MNAT1: variants seen among roughly 807,000 people sequenced by gnomAD.
The protein encoded by MNAT1 is CDK-activating kinase assembly factor MAT1.
Under a neutral mutation model 42.0 loss-of-function variants are expected in MNAT1, and 43 were observed. That is an observed-to-expected ratio of 1.02 (90% CI 0.80 to 1.32). The LOEUF (loss-of-function observed/expected upper bound fraction) is 1.32. Ranked by LOEUF, MNAT1 falls within the 40% of genes most tolerant of loss-of-function variation. MNAT1 has a pLI of 0.00. For missense variants in MNAT1, 306 were observed against 350.4 expected (o/e 0.87, Z 1.01); for synonymous variants, 118 against 120.0 (o/e 0.98, Z 0.11).
chr14:60,934,808 G>T (rs1469676106), intron 7 of MNAT1, among the ~76,000 whole-genome samples: 2 of 152,126 alleles, frequency 1.3e-5, no homozygotes, highest in Non-Finnish European at 2.9e-5. Context: ...GGAACATAAA[G>T]AAATTACTTC....
At chr14:60,919,030 A>G (rs2035594101) in intron 7 of MNAT1, among the ~76,000 whole-genome samples, 1 of 151,822 alleles carries the variant, frequency 6.6e-6, no homozygotes, top group South Asian at 2.1e-4. Context: ...CACAGCTGAT[A>G]TAGGGTTGGA....
At chr14:60,968,108 T>C in intron 7 of MNAT1, 121 bp from the exon 8 acceptor site, 2 of 705,736 alleles carry the variant, frequency 2.8e-6, no homozygotes, top group Non-Finnish European at 4.7e-6. Flanking sequence ...AATAAAAGTC[T>C]GAATATTTCA....
chr14:60,786,045 C>A (rs371082202), intron 1 of MNAT1, among the ~76,000 whole-genome samples: 1 of 150,920 alleles, frequency 6.6e-6, no homozygotes, highest in South Asian at 2.1e-4. Context: ...TGAAAATAAA[C>A]CCAGTGTTAA....
intron 7 of MNAT1, among the ~76,000 whole-genome samples, chr14:60,914,177 C>G (rs111453744): frequency 2.6e-4 from 40 of 152,128 alleles, no homozygotes; most frequent in Admixed American, 2.6e-3. Flanking sequence ...GTTGGAAGAG[C>G]GCAGTATTAG....
intron 6 of MNAT1, among the ~76,000 whole-genome samples, chr14:60,860,354 CTT>C (rs11409940): frequency 1.6e-5 from 2 of 128,670 alleles, no homozygotes; most frequent in Non-Finnish European, 3.1e-5. Context: ...TTTTTCTTTT[CTT>C]TTTTTTTTTT....
chr14:60,918,492 G>A (rs536510477), intron 7 of MNAT1, among the ~76,000 whole-genome samples: 2 of 151,664 alleles, frequency 1.3e-5, no homozygotes, highest in African/African-American at 4.8e-5. Flanking sequence ...AGAGGCATGA[G>A]CCACAGTGCC....
chr14:60,769,205 TA>T (rs2030955242), intron 1 of MNAT1, among the ~76,000 whole-genome samples: 1 of 152,206 alleles, frequency 6.6e-6, no homozygotes, highest in South Asian at 2.1e-4. Flanking sequence ...GTTGGATCTC[TA>T]AACAGTATAC....
intron 6 of MNAT1, among the ~76,000 whole-genome samples, chr14:60,834,990 GCCCT>G (rs1250121142): frequency 3.8e-4 from 11 of 29,008 alleles, no homozygotes; most frequent in East Asian, 2.1e-3. Flanking sequence ...CCTTGCTCCC[GCCCT>G]CCCTCCCTCC....
intron 5 of MNAT1, among the ~76,000 whole-genome samples, chr14:60,813,176 G>A (rs2032608147): frequency 2.0e-5 from 3 of 152,206 alleles, no homozygotes; most frequent in Admixed American, 1.3e-4. Context: ...TGGGCCCCAC[G>A]TAGAGTTTGC....
chr14:60,764,715 C>G (rs188431413), intron 1 of MNAT1, among the ~76,000 whole-genome samples: 4 of 152,260 alleles, frequency 2.6e-5, no homozygotes, highest in African/African-American at 7.2e-5. Flanking sequence ...GAAATCTCTT[C>G]TGGAACAAGG....
At chr14:60,923,013 A>G (rs898736881) in intron 7 of MNAT1, among the ~76,000 whole-genome samples, 7 of 152,204 alleles carry the variant, frequency 4.6e-5, no homozygotes, top group African/African-American at 1.7e-4. Flanking sequence ...GGCTCAGTAG[A>G]TACATTCTAC....
chr14:60,792,526 T>A (rs2031861034), intron 1 of MNAT1, among the ~76,000 whole-genome samples: 1 of 152,172 alleles, frequency 6.6e-6, no homozygotes, highest in South Asian at 2.1e-4. Context: ...AGGTTTCTGT[T>A]TCATTTTTAA....
intron 7 of MNAT1, among the ~76,000 whole-genome samples, chr14:60,941,069 G>A (rs962061123): frequency 2.6e-5 from 4 of 152,050 alleles, no homozygotes; most frequent in Admixed American, 6.6e-5. Flanking sequence ...ATAAAATTCC[G>A]TTTATTCTCA....
chr14:60,908,311 T>A (rs2035259896), intron 7 of MNAT1, among the ~76,000 whole-genome samples: 1 of 152,138 alleles, frequency 6.6e-6, no homozygotes, highest in African/African-American at 2.4e-5. Context: ...GGATTGTTAT[T>A]TTTTTCTTTA....
chr14:60,793,773 C>T (rs995831924), intron 1 of MNAT1, among the ~76,000 whole-genome samples: 6 of 151,776 alleles, frequency 4.0e-5, no homozygotes, highest in South Asian at 2.1e-4. Flanking sequence ...GCATATTACC[C>T]GTGGGAAGTG....
intron 1 of MNAT1, among the ~76,000 whole-genome samples, chr14:60,764,635 G>A (rs2030740510): frequency 6.6e-6 from 1 of 152,198 alleles, no homozygotes; most frequent in Non-Finnish European, 1.5e-5. Flanking sequence ...GTAAGAAGAA[G>A]CGGTCTAAGA....
intron 6 of MNAT1, among the ~76,000 whole-genome samples, chr14:60,857,510 T>G (rs968082449): frequency 1.3e-5 from 2 of 152,214 alleles, no homozygotes; most frequent in African/African-American, 2.4e-5. Context: ...GATGCTTTGA[T>G]TATTTTTAAA....
rs1029160718 is a variant in MNAT1 at position 60,781,210 on chromosome 14, A to T, written c.90-15007A>T. The stretch of plus-strand genomic sequence containing the variant: ...GTTCTGTGATACAGAACTCTTAAAA[A>T]TTTTTTTTTGTGTTTTATAAAATCA... On this transcript the variant is annotated intron_variant, in intron 1 of 7. Coordinates refer to ENST00000261245, the MANE Select transcript of MNAT1 (RefSeq NM_002431.4). Among the ~76,000 whole-genome samples the T allele has an allele frequency of 5.5e-4, 83 of 151,716 alleles. 2 individuals are homozygous for T. The Middle Eastern group carries it at 0.024, about 44-fold the overall frequency.
chr14:60,967,618 T>C (rs1392214445), intron 7 of MNAT1, among the ~76,000 whole-genome samples: 1 of 152,194 alleles, frequency 6.6e-6, no homozygotes, highest in Non-Finnish European at 1.5e-5. Flanking sequence ...TCAATGAGAC[T>C]TTTCTGTATT....
Sources: allele counts gnomAD v4.1 joint callset (sites outside exome capture counted in the v4.1 genomes callset), GRCh38; gene constraint gnomAD v4.1.1; transcripts MANE v1.5; gene names NCBI Gene and HGNC (gene_info 2026-07-23, HGNC 2026-07-21).